MYCBP2: variants seen among roughly 807,000 people sequenced by gnomAD.
MYCBP2 encodes MYC binding protein 2.
Under a neutral mutation model 525.3 loss-of-function variants are expected in MYCBP2, and 120 were observed. That is an observed-to-expected ratio of 0.23 (90% CI 0.20 to 0.27). MYCBP2 has a LOEUF of 0.27. Among genes scored for constraint, MYCBP2 ranks in the 10% least tolerant of loss-of-function variants. The probability of loss-of-function intolerance (pLI) is 1.00; values close to 1 mark genes in which losing one functional copy is unlikely to be tolerated. For synonymous variants in MYCBP2, 1,894 were observed against 1,955.8 expected, an observed-to-expected ratio of 0.97 and a Z score of 0.83; for missense variants, 4,149 against 5,657.1, an observed-to-expected ratio of 0.73 and a Z score of 8.55.
In MYCBP2 at chr13:77,045,025, C is replaced by CT. The variant is rs574349258; in HGVS notation, c.*352dup. ...TATACAATAAACAATGATTATTTTTCTTTTTTGCTTGAAAGCCAGCATCGT... is the reference window on the plus strand; with the variant it reads ...TATACAATAAACAATGATTATTTTTCTTTTTTTGCTTGAAAGCCAGCATCGT... On this transcript the variant is annotated 3_prime_UTR_variant, in exon 83 of 83. Transcript: ENST00000544440. The CT allele has an allele frequency of 1.3e-3, 527 of 402,638 alleles. 3 individuals are homozygous for CT. Among genetic ancestry groups the CT allele is most frequent in the African/African-American group, 5.5e-3 (269 of 48,578 alleles). 24.9% of individuals were successfully genotyped at this position (402,638 alleles called of 1,614,324 possible). A position where few individuals can be genotyped will look rare whatever the true frequency, so the allele number is the denominator to read the frequency against.
At chr13:77,235,652 G>A (rs1313625850) in intron 17 of MYCBP2, among the ~76,000 whole-genome samples, 1 of 151,990 alleles carries the variant, frequency 6.6e-6, no homozygotes, top group East Asian at 1.9e-4. Context: ...GTGAAGTTCT[G>A]GGAACCCTTG....
At chr13:77,231,468 A>T (rs2067124733) in intron 18 of MYCBP2, among the ~76,000 whole-genome samples, 1 of 152,142 alleles carries the variant, frequency 6.6e-6, no homozygotes, top group African/African-American at 2.4e-5. Context: ...GCTGGCCTCG[A>T]ACTCCTGACC....
At chr13:77,063,364 C>G (rs1224333185) in intron 73 of MYCBP2, among the ~76,000 whole-genome samples, 2 of 151,996 alleles carry the variant, frequency 1.3e-5, no homozygotes, top group Non-Finnish European at 2.9e-5. Flanking sequence ...TTATGACCAG[C>G]CTGACTAACA....
At position 77,058,507 on chromosome 13, in the gene MYCBP2, G is replaced by A; in HGVS notation, c.13141-101C>T. ...ATTTCCAAAGATTACTTTCCCACAG[G>A]AAGTATCTATGCAGGCCAAGTAACA... On this transcript the variant is annotated intron_variant, in intron 77 of 82. Coordinates refer to ENST00000544440, the MANE Select transcript of MYCBP2 (RefSeq NM_015057.5). The surrounding 1 kb of genome is among the most constrained non-coding windows in gnomAD (Gnocchi z 4.1). 9.7e-7 allele frequency: 1 copy of A among 1,029,606 alleles called. No homozygotes were observed. The highest frequency in any genetic ancestry group is 1.4e-6 in the Non-Finnish European group (1 of 736,938). 63.8% of individuals were successfully genotyped at this position (1,029,606 alleles called of 1,614,324 possible).
chr13:77,205,646 C>G (rs1274755441), intron 24 of MYCBP2, 48 bp from the exon 25 acceptor site: 2 of 1,552,666 alleles, frequency 1.3e-6, no homozygotes, highest in Admixed American at 3.7e-5. Flanking sequence ...TTAAAATGTC[C>G]TATGGTATTG....
chr13:77,087,697 A>G (rs1040054059), intron 61 of MYCBP2, 64 bp from the exon 62 acceptor site: 9 of 1,370,210 alleles, frequency 6.6e-6, no homozygotes, highest in Non-Finnish European at 9.0e-6. Context: ...GTACTCAGAA[A>G]TAAAGTACCT....
intron 20 of MYCBP2, 73 bp downstream of exon 20, chr13:77,224,377 AG>A (rs1204532735): frequency 1.1e-6 from 1 of 933,618 alleles, no homozygotes; most frequent in African/African-American, 1.7e-5. Flanking sequence ...AAAAGAGAAA[AG>A]AAAGAAAAAA....
chr13:77,158,674 C>G (rs1424850226), intron 44 of MYCBP2, among the ~76,000 whole-genome samples: 1 of 152,120 alleles, frequency 6.6e-6, no homozygotes, highest in Non-Finnish European at 1.5e-5. Flanking sequence ...TCTTGAACTC[C>G]TGGCCTCAAG....
intron 37 of MYCBP2, among the ~76,000 whole-genome samples, 155 bp from the exon 38 acceptor site, chr13:77,171,789 A>G (rs1324270814): frequency 6.6e-6 from 1 of 152,228 alleles, no homozygotes; most frequent in Non-Finnish European, 1.5e-5. Context: ...AGGGAATGAT[A>G]AGGGCTTTGA....
intron 17 of MYCBP2, among the ~76,000 whole-genome samples, chr13:77,241,460 A>T (rs548354018): frequency 5.9e-5 from 9 of 152,314 alleles, no homozygotes; most frequent in African/African-American, 2.2e-4. Context: ...CTAAAGAAAG[A>T]AGAAACAGGT....
chr13:77,294,129 T>TATATATATATATATATATAC (rs1450128273), intron 2 of MYCBP2, among the ~76,000 whole-genome samples: 5 of 26,136 alleles, frequency 1.9e-4, no homozygotes, highest in East Asian at 1.2e-3. Flanking sequence ...TATATATATA[T>TATATATATATATATATATAC]ACATATATAT....
intron 30 of MYCBP2, among the ~76,000 whole-genome samples, chr13:77,186,965 C>T (rs112517967): frequency 0.034 from 5,136 of 152,076 alleles, 290 homozygotes; most frequent in African/African-American, 0.12. Flanking sequence ...GTGCGCACCA[C>T]CATACCCAGC....
In MYCBP2 at chr13:77,125,468, C is replaced by T; in HGVS notation, c.7885G>A (p.Val2629Ile). 2 of 1,612,832 alleles carry T rather than the reference C, an allele frequency of 1.2e-6. No individual in the cohort carries two copies. The highest frequency in any genetic ancestry group is 1.7e-6 in the Non-Finnish European group (2 of 1,179,436). Residue 2629 changes from valine (V) to isoleucine (I), a missense_variant and splice_region_variant, in exon 54 of 83, where the codon GTA becomes ATA. Around this residue, in one of 21 missense-constraint regions of MYCBP2, gnomAD observed 653 missense variants for 744.7 expected, o/e 0.88. Coordinates refer to ENST00000544440, the MANE Select transcript of MYCBP2 (RefSeq NM_015057.5). ...LGNKVKAVGE[V>I]TNSEGTWVQL... is the part of the protein sequence containing the mutation. ...ACCCATGTCCCTTCAGAATTGGTTA[C>T]CTGGTACATAACAAAAAGCATGATT... is the stretch of plus-strand genomic sequence containing the variant.
At position 77,288,296 on chromosome 13, in the gene MYCBP2, A is replaced by G. The variant is rs2077099571; in HGVS notation, c.459T>C (p.Asn153=). Residue 153 remains asparagine (N), a synonymous_variant, in exon 3 of 83, where the codon AAT becomes AAC. Transcript: ENST00000544440. ...GCCATTCCAGAACGCAATGGCGTAC[A>G]TTACAGTAAATATTGAAAGCAGAAG... The part of the protein sequence containing the change: ...SNPSAFNIYC[N]VRHCVLEWQK... 1 of 1,614,188 alleles carries G rather than the reference A, an allele frequency of 6.2e-7. No individual in the cohort carries two copies. The highest frequency in any genetic ancestry group is 1.3e-5 in the African/African-American group (1 of 75,050).
chr13:77,123,955 G>A (rs1280219110), intron 54 of MYCBP2, among the ~76,000 whole-genome samples: 1 of 152,100 alleles, frequency 6.6e-6, no homozygotes, highest in Non-Finnish European at 1.5e-5. Flanking sequence ...GTAAATGTCT[G>A]ATTTACATCA....
intron 49 of MYCBP2, among the ~76,000 whole-genome samples, chr13:77,143,742 G>A (rs1192739299): frequency 6.6e-6 from 1 of 152,148 alleles, no homozygotes; most frequent in Non-Finnish European, 1.5e-5. Context: ...GTGGACTTAA[G>A]CAAACCTAGA....
chr13:77,070,170 A>G (rs1401112824), intron 69 of MYCBP2, among the ~76,000 whole-genome samples: 1 of 152,230 alleles, frequency 6.6e-6, no homozygotes, highest in East Asian at 1.9e-4. Flanking sequence ...GCAAGTTTTC[A>G]TAAGTAAAAT....
At chr13:77,208,225 G>C (rs577100366) in intron 23 of MYCBP2, among the ~76,000 whole-genome samples, 1 of 152,126 alleles carries the variant, frequency 6.6e-6, no homozygotes, top group Non-Finnish European at 1.5e-5. Context: ...CACAGATCCT[G>C]CTGTGGCTTG....
chr13:77,309,307 A>T (rs2079858478), intron 1 of MYCBP2, among the ~76,000 whole-genome samples: 1 of 152,220 alleles, frequency 6.6e-6, no homozygotes, highest in Admixed American at 6.5e-5. Flanking sequence ...AAGGGAAAAG[A>T]GGCAGTTTGT....
Sources: allele counts gnomAD v4.1 joint callset (sites outside exome capture counted in the v4.1 genomes callset), GRCh38; gene constraint gnomAD v4.1.1; regional missense constraint gnomAD v4.1.1; non-coding constraint Gnocchi (gnomAD v3.1); transcripts MANE v1.5; gene names NCBI Gene and HGNC (gene_info 2026-07-23, HGNC 2026-07-21).